The following CSNK1G1 variants were observed in gnomAD, a reference collection of about 807,000 sequenced individuals.
CSNK1G1 encodes casein kinase I isoform gamma-1.
Under a neutral mutation model 59.6 loss-of-function variants are expected in CSNK1G1, and 22 were observed. That is an observed-to-expected ratio of 0.37 (90% CI 0.26 to 0.53). The LOEUF is 0.53. Ranked by LOEUF, CSNK1G1 falls within the 20% of genes least tolerant of loss-of-function variation. The pLI, the probability that CSNK1G1 is intolerant of heterozygous loss-of-function variation, is 0.89. For missense variants in CSNK1G1, 384 were observed against 519.5 expected (o/e 0.74, Z 2.54); for synonymous variants, 179 against 177.1 (o/e 1.01, Z -0.08).
At chr15:64,191,639 C>T (rs982198571) in intron 10 of CSNK1G1, among the ~76,000 whole-genome samples, 1 of 152,162 alleles carries the variant, frequency 6.6e-6, no homozygotes, top group African/African-American at 2.4e-5. Context: ...CTAAAAATCA[C>T]ATTCCATCTC....
chr15:64,201,706 ATGTGTGTGTGTG>A (rs10664838), intron 10 of CSNK1G1, among the ~76,000 whole-genome samples: 230 of 126,544 alleles, frequency 1.8e-3, no homozygotes, highest in East Asian at 0.018. Context: ...TCCATTGGAC[ATGTGTGTGTGTG>A]TGTGTGTGTG....
At chr15:64,342,812 A>C (rs1433384379) in intron 1 of CSNK1G1, 1 of 152,228 alleles carries the variant, frequency 6.6e-6, no homozygotes, top group African/African-American at 2.4e-5. Context: ...TCTTAACAGC[A>C]GTTCCCAAAC....
rs1461866045 is a variant in CSNK1G1, at chr15:64,352,370, T to G, written c.-225+3618A>C. Among the ~76,000 whole-genome samples, 3 of 150,310 alleles carry G rather than the reference T, an allele frequency of 2.0e-5. No individual in the cohort carries two copies. In the South Asian group the frequency reaches 6.3e-4, roughly 32 times the overall value. On this transcript the variant is annotated intron_variant, in intron 1 of 11. Transcript: ENST00000303052. ...GCTTAGATATATACAGACCTTACAC[T>G]CTCAGAAGAGCCATTTAGAAAGCTA...
chr15:64,287,823 A>G (rs1292526452), intron 2 of CSNK1G1, among the ~76,000 whole-genome samples: 2 of 152,236 alleles, frequency 1.3e-5, no homozygotes, highest in East Asian at 1.9e-4. Context: ...ATAAAAATGT[A>G]TAACATAGAC....
intron 2 of CSNK1G1, among the ~76,000 whole-genome samples, chr15:64,272,814 C>T (rs1035632471): frequency 6.6e-6 from 1 of 152,094 alleles, no homozygotes; most frequent in Non-Finnish European, 1.5e-5. Flanking sequence ...GGTGCAATCA[C>T]AGCTCACTGC....
At chr15:64,262,800 C>G (rs1433182502) in intron 2 of CSNK1G1, among the ~76,000 whole-genome samples, 1 of 152,132 alleles carries the variant, frequency 6.6e-6, no homozygotes, top group Non-Finnish European at 1.5e-5. Flanking sequence ...AAGATGCAGT[C>G]AGGCGCAATG....
chr15:64,304,663 T>A (rs1895568270), intron 1 of CSNK1G1, among the ~76,000 whole-genome samples: 1 of 152,120 alleles, frequency 6.6e-6, no homozygotes, highest in Non-Finnish European at 1.5e-5. Flanking sequence ...TCAAAAAAAG[T>A]TTCACTAATT....
intron 1 of CSNK1G1, among the ~76,000 whole-genome samples, chr15:64,351,794 G>A (rs555112837): frequency 1.3e-5 from 2 of 152,216 alleles, no homozygotes; most frequent in South Asian, 2.1e-4. Flanking sequence ...CAGGAGGGGC[G>A]CTTGAACCTG....
At chr15:64,341,650 T>C (rs532691214) in intron 1 of CSNK1G1, among the ~76,000 whole-genome samples, 17 of 152,206 alleles carry the variant, frequency 1.1e-4, no homozygotes, top group African/African-American at 4.1e-4. Flanking sequence ...TTTTTTTTTA[T>C]TTTTTATAGA....
chr15:64,240,004 C>T (rs778237850), intron 4 of CSNK1G1, among the ~76,000 whole-genome samples: 8 of 152,152 alleles, frequency 5.3e-5, no homozygotes, highest in African/African-American at 9.7e-5. Context: ...GAGGCTGAGG[C>T]GGGTGGATCA....
Position 64,300,568 on chromosome 15 carries a change from AAAGT to A in CSNK1G1, c.-73_-70del. The A allele has an allele frequency of 1.3e-6, 2 of 1,492,432 alleles. No individual in the cohort carries two copies. Among genetic ancestry groups the A allele is most frequent in the South Asian group, 2.9e-5 (2 of 68,906 alleles). 92.4% of individuals were successfully genotyped at this position (1,492,432 alleles called of 1,614,324 possible). On this transcript the variant is annotated 5_prime_UTR_variant, in exon 2 of 12. Coordinates refer to ENST00000303052, the MANE Select transcript of CSNK1G1 (RefSeq NM_022048.5). ...AGTATGTATACCTCTCTTCAATACAAAAGTATGTCCAAATAAATTGTAGTCAGAG... is the reference window on the plus strand; with the variant it reads ...AGTATGTATACCTCTCTTCAATACAAATGTCCAAATAAATTGTAGTCAGAG...
intron 6 of CSNK1G1, 90 bp from the exon 7 acceptor site, chr15:64,207,684 G>GCT: frequency 1.1e-6 from 1 of 916,682 alleles, no homozygotes; most frequent in South Asian, 1.4e-5. Context: ...AAACCCTTCG[G>GCT]CTCTGGAAAG....
At chr15:64,255,147 G>A (rs1434140547) in intron 3 of CSNK1G1, among the ~76,000 whole-genome samples, 1 of 152,080 alleles carries the variant, frequency 6.6e-6, no homozygotes, top group South Asian at 2.1e-4. Flanking sequence ...CACAATCTCA[G>A]CTCACTGCAA....
At chr15:64,313,049 TGA>T (rs1896079105) in intron 1 of CSNK1G1, among the ~76,000 whole-genome samples, 2 of 152,100 alleles carry the variant, frequency 1.3e-5, no homozygotes, top group Admixed American at 1.3e-4. Flanking sequence ...AAAACCACAA[TGA>T]GATACCATCT....
At chr15:64,228,998 G>C (rs1317056445) in intron 4 of CSNK1G1, among the ~76,000 whole-genome samples, 1 of 123,010 alleles carries the variant, frequency 8.1e-6, no homozygotes, top group Non-Finnish European at 1.6e-5. Flanking sequence ...CAGCCTGGGC[G>C]ACAGAGTGAG....
intron 4 of CSNK1G1, among the ~76,000 whole-genome samples, chr15:64,222,238 G>A (rs1483733160): frequency 1.3e-5 from 2 of 149,032 alleles, no homozygotes; most frequent in African/African-American, 2.5e-5. Flanking sequence ...AGAACACATG[G>A]ACACAGAGAG....
chr15:64,252,712 T>C (rs961402156), intron 3 of CSNK1G1, among the ~76,000 whole-genome samples: 1 of 152,218 alleles, frequency 6.6e-6, no homozygotes, highest in Admixed American at 6.5e-5. Context: ...AATTAAAATA[T>C]GTAACTTCAA....
rs142420259 is a variant in CSNK1G1 at position 64,181,781 on chromosome 15, C to G, written c.1108-1327G>C. The G allele has an allele frequency of 4.4e-3, 797 of 182,270 alleles. 10 individuals are homozygous for G. The highest frequency in any genetic ancestry group is 0.017 in the African/African-American group (734 of 42,242). 11.3% of individuals were successfully genotyped at this position (182,270 alleles called of 1,614,324 possible). ...CAGACAACCCACAGAAAGTGCTTAG[C>G]CCAGTGGCATGAGACATGGTAACAG... On this transcript the variant is annotated intron_variant, in intron 10 of 11. Transcript: ENST00000303052.
chr15:64,273,488 ATTAC>A (rs1816823516), intron 2 of CSNK1G1, among the ~76,000 whole-genome samples: 1 of 152,176 alleles, frequency 6.6e-6, no homozygotes. Context: ...TCTAATTTTT[ATTAC>A]TTCTATTATT....
Sources: allele counts gnomAD v4.1 joint callset (sites outside exome capture counted in the v4.1 genomes callset), GRCh38; gene constraint gnomAD v4.1.1; transcripts MANE v1.5; gene names NCBI Gene and HGNC (gene_info 2026-07-23, HGNC 2026-07-21).